The following AFAP1 variants were observed in gnomAD, a reference collection of about 807,000 sequenced individuals.
The protein encoded by AFAP1 is actin filament associated protein 1, also known as actin filament-associated protein 1.
AFAP1 carries 75 observed loss-of-function variants against 93.9 expected under a neutral mutation model. The ratio of observed to expected loss-of-function variants is 0.80; its 90% CI spans 0.66 to 0.97. AFAP1 has a LOEUF of 0.97. Among genes scored for constraint, AFAP1 ranks in the 50% least tolerant of loss-of-function variants. The probability of loss-of-function intolerance (pLI) is 0.00; values close to 1 mark genes in which losing one functional copy is unlikely to be tolerated. For missense variants in AFAP1, 1,201 were observed against 1,050.8 expected, an observed-to-expected ratio of 1.14 and a Z score of -1.98; for synonymous variants, 517 against 430.7, an observed-to-expected ratio of 1.20 and a Z score of -2.48.
chr4:7,807,969 T>G (rs559364369), intron 9 of AFAP1, among the ~76,000 whole-genome samples: 11 of 152,318 alleles, frequency 7.2e-5, no homozygotes, highest in African/African-American at 2.6e-4. Flanking sequence ...TTTATCTTTG[T>G]GTGTATAGCC....
chr4:7,775,162 G>A (rs1715970907), intron 14 of AFAP1: 1 of 401,728 alleles, frequency 2.5e-6, no homozygotes, highest in Middle Eastern at 6.6e-4. Context: ...GTTTATTCAA[G>A]CAGATAATGG....
intron 6 of AFAP1, among the ~76,000 whole-genome samples, chr4:7,827,780 G>C (rs143831944): frequency 2.3e-4 from 35 of 152,022 alleles, no homozygotes; most frequent in Middle Eastern, 3.4e-3. Flanking sequence ...ATCTTAAGAG[G>C]AGGAAGGCGG....
intron 4 of AFAP1, among the ~76,000 whole-genome samples, chr4:7,846,175 G>A (rs1259915397): frequency 6.6e-6 from 1 of 152,222 alleles, no homozygotes; most frequent in East Asian, 1.9e-4. Flanking sequence ...GCTTGGCTGT[G>A]CTAGGAAGGA....
intron 3 of AFAP1, among the ~76,000 whole-genome samples, chr4:7,866,366 T>G (rs1261124974): frequency 2.0e-5 from 3 of 152,084 alleles, no homozygotes; most frequent in African/African-American, 7.2e-5. Context: ...CGGCTAATTT[T>G]TGTATTTCCT....
chr4:7,795,651 T>C (rs1718347917), intron 10 of AFAP1, among the ~76,000 whole-genome samples: 1 of 152,024 alleles, frequency 6.6e-6, no homozygotes, highest in Non-Finnish European at 1.5e-5. Flanking sequence ...GGTCTCGATC[T>C]CCTGACCTTG....
intron 12 of AFAP1, among the ~76,000 whole-genome samples, chr4:7,784,636 A>T (rs1224256033): frequency 1.3e-5 from 2 of 152,120 alleles, no homozygotes; most frequent in African/African-American, 4.8e-5. Flanking sequence ...ACCCCAGGGC[A>T]GGTCCAGAGC....
intron 9 of AFAP1, among the ~76,000 whole-genome samples, chr4:7,803,292 C>T (rs1325173517): frequency 6.6e-6 from 1 of 152,234 alleles, no homozygotes; most frequent in Non-Finnish European, 1.5e-5. Flanking sequence ...GCAAGGAAAA[C>T]AGCCCGTGCT....
At chr4:7,840,824 G>A (rs924278549) in intron 5 of AFAP1, among the ~76,000 whole-genome samples, 1 of 151,080 alleles carries the variant, frequency 6.6e-6, no homozygotes, top group South Asian at 2.1e-4. Context: ...GAAGGAATCG[G>A]AAAGGGAATT....
chr4:7,857,552 T>C (rs540566423), intron 3 of AFAP1, among the ~76,000 whole-genome samples: 2 of 152,214 alleles, frequency 1.3e-5, no homozygotes, highest in African/African-American at 2.4e-5. Flanking sequence ...GGCTGGACCA[T>C]CTCCAGGTCC....
chr4:7,815,934 T>C (rs79910822), intron 8 of AFAP1, 84 bp downstream of exon 8: 76,219 of 1,253,288 alleles, frequency 0.061, 2,722 homozygotes, highest in Non-Finnish European at 0.074. Flanking sequence ...TTTCGTACAA[T>C]CAGACTTTAC....
At chr4:7,774,441 ATC>A (rs1370073791) in intron 15 of AFAP1, 2 of 367,170 alleles carry the variant, frequency 5.4e-6, no homozygotes, top group African/African-American at 4.2e-5. Context: ...CCTCCAGACA[ATC>A]TCTGTTGTCA....
intron 11 of AFAP1, among the ~76,000 whole-genome samples, chr4:7,789,466 CCT>C (rs555577955): frequency 8.9e-4 from 130 of 146,492 alleles, no homozygotes; most frequent in Middle Eastern, 3.7e-3. Flanking sequence ...CGCACCAGCC[CCT>C]GCTTTCCATC....
chr4:7,915,202 C>A (rs1327744479), intron 1 of AFAP1, among the ~76,000 whole-genome samples: 2 of 151,848 alleles, frequency 1.3e-5, no homozygotes, highest in Admixed American at 6.6e-5. Context: ...AGTTTACATT[C>A]CCCCCTACGG....
At chr4:7,787,100 A>AGAGC (rs1252567808) in intron 11 of AFAP1, among the ~76,000 whole-genome samples, 6 of 152,228 alleles carry the variant, frequency 3.9e-5, no homozygotes, top group African/African-American at 1.4e-4. Flanking sequence ...AAACTCTTGG[A>AGAGC]ATTTCATACA....
intron 8 of AFAP1, among the ~76,000 whole-genome samples, chr4:7,813,930 G>T (rs1308854930): frequency 6.6e-6 from 1 of 152,112 alleles, no homozygotes; most frequent in Admixed American, 6.5e-5. Flanking sequence ...GGAGTGGGCA[G>T]GTGGATTTGG....
chr4:7,897,751 T>C (rs557121744), intron 1 of AFAP1, among the ~76,000 whole-genome samples: 4 of 152,222 alleles, frequency 2.6e-5, no homozygotes, highest in East Asian at 3.9e-4. Context: ...CTCGAACTCC[T>C]GACCTCAGGT....
chr4:7,912,460 A>T (rs1719790277), intron 1 of AFAP1, among the ~76,000 whole-genome samples: 1 of 152,132 alleles, frequency 6.6e-6, no homozygotes, highest in Non-Finnish European at 1.5e-5. Flanking sequence ...CCTCACCAGC[A>T]TTTGGTTTTG....
intron 7 of AFAP1, among the ~76,000 whole-genome samples, chr4:7,817,232 T>C (rs142650464): frequency 9.7e-4 from 148 of 152,310 alleles, no homozygotes; most frequent in African/African-American, 3.2e-3. Flanking sequence ...CAGAAATCTA[T>C]TCTCAGGTAA....
At chr4:7,779,443 G>A (rs1716513340) in intron 13 of AFAP1, among the ~76,000 whole-genome samples, 1 of 152,156 alleles carries the variant, frequency 6.6e-6, no homozygotes, top group African/African-American at 2.4e-5. Flanking sequence ...CTAACTACAG[G>A]TTTCTGAAAA....
Sources: gnomAD v4.1 joint callset for allele counts (sites outside exome capture counted in the v4.1 genomes callset) on GRCh38, gnomAD v4.1.1 for gene constraint, MANE v1.5 for transcripts, NCBI Gene and HGNC (gene_info 2026-07-23, HGNC 2026-07-21) for gene names.